Variants in KIAA1217 observed in about 807,000 individuals in gnomAD.
The protein encoded by KIAA1217 is sickle tail protein homolog.
KIAA1217 carries 88 observed loss-of-function variants against 163.9 expected under a neutral mutation model. The ratio of observed to expected loss-of-function variants is 0.54; its 90% CI spans 0.45 to 0.64. KIAA1217 has a LOEUF of 0.64. Among genes scored for constraint, KIAA1217 ranks in the 30% least tolerant of loss-of-function variants. The pLI, the probability that KIAA1217 is intolerant of heterozygous loss-of-function variation, is 0.00. For missense variants in KIAA1217, 2,372 were observed against 2,475.0 expected (o/e 0.96, Z 0.88); for synonymous variants, 903 against 923.1 (o/e 0.98, Z 0.39).
intron 11 of KIAA1217, among the ~76,000 whole-genome samples, chr10:24,520,687 C>A (rs183186749): frequency 0.099 from 7,950 of 80,250 alleles, 378 homozygotes; most frequent in East Asian, 0.13. Flanking sequence ...CACACACACA[C>A]AAAAAAAAAT....
chr10:24,265,229 T>C (rs1403888540), intron 2 of KIAA1217, among the ~76,000 whole-genome samples: 1 of 152,240 alleles, frequency 6.6e-6, no homozygotes, highest in Non-Finnish European at 1.5e-5. Context: ...GAGGGCTTCA[T>C]ATCTTTGACC....
chr10:23,970,466 G>A (rs889648444), intron 1 of KIAA1217, among the ~76,000 whole-genome samples: 1 of 152,190 alleles, frequency 6.6e-6, no homozygotes, highest in East Asian at 1.9e-4. Context: ...TAGAGCAGTG[G>A]TTACCAGGAG....
chr10:24,070,016 T>G (rs2061123769), intron 2 of KIAA1217, among the ~76,000 whole-genome samples: 1 of 152,166 alleles, frequency 6.6e-6, no homozygotes, highest in Admixed American at 6.6e-5. Context: ...AGTTTTAATT[T>G]TTTTGTAGAG....
At chr10:23,728,690 A>G (rs1348995861) in intron 1 of KIAA1217, among the ~76,000 whole-genome samples, 11 of 152,142 alleles carry the variant, frequency 7.2e-5, no homozygotes, top group African/African-American at 2.7e-4. Context: ...CAATACATTC[A>G]GGACATAGGC....
intron 2 of KIAA1217, among the ~76,000 whole-genome samples, chr10:24,017,806 C>T (rs912254792): frequency 6.6e-6 from 1 of 151,946 alleles, no homozygotes; most frequent in African/African-American, 2.4e-5. Flanking sequence ...AAAGGTCTCA[C>T]CCAGGGGATT....
chr10:23,740,427 T>A (rs1050837923), intron 1 of KIAA1217, among the ~76,000 whole-genome samples: 8 of 152,156 alleles, frequency 5.3e-5, no homozygotes. Context: ...GATGCAATCA[T>A]GGCTCACTGC....
intron 5 of KIAA1217, among the ~76,000 whole-genome samples, chr10:24,471,029 G>A (rs916118577): frequency 6.6e-6 from 1 of 152,118 alleles, no homozygotes; most frequent in African/African-American, 2.4e-5. Context: ...ATAACCCCAG[G>A]CACTTACCAA....
intron 2 of KIAA1217, among the ~76,000 whole-genome samples, chr10:24,008,952 C>T (rs1005511409): frequency 2.6e-5 from 4 of 152,200 alleles, no homozygotes; most frequent in African/African-American, 4.8e-5. Flanking sequence ...CCTGGAATGC[C>T]TTGCGCTTTA....
At chr10:24,481,031 G>A (rs937113835) in intron 6 of KIAA1217, 7 of 152,128 alleles carry the variant, frequency 4.6e-5, no homozygotes, top group African/African-American at 1.4e-4. Context: ...GAAATCATTA[G>A]GTTATCTGTT....
intron 9 of KIAA1217, among the ~76,000 whole-genome samples, chr10:24,505,788 A>C (rs1346941667): frequency 1.3e-5 from 2 of 152,204 alleles, no homozygotes; most frequent in Non-Finnish European, 2.9e-5. Context: ...GTAAAATATC[A>C]ACATAAAAAA....
intron 2 of KIAA1217, chr10:24,239,384 T>C (rs2072733624): frequency 1.3e-6 from 1 of 743,124 alleles, no homozygotes; most frequent in African/African-American, 1.9e-5. Flanking sequence ...CAAAAATTAT[T>C]TGGAAACATT....
chr10:24,330,442 A>G (rs2045525283), intron 2 of KIAA1217, among the ~76,000 whole-genome samples: 1 of 152,142 alleles, frequency 6.6e-6, no homozygotes, highest in African/African-American at 2.4e-5. Flanking sequence ...TTTGGAAGTA[A>G]AATTTTAGAG....
At position 24,196,310 on chromosome 10, in the gene KIAA1217, T is replaced by C. The variant is rs190964078; in HGVS notation, c.-170-23316T>C. On this transcript the variant is annotated intron_variant, in intron 2 of 18. Transcript: ENST00000376462. Reference sequence around the variant, plus strand: ...GGTCACAGTGCCTGGAAGGAGCACATTGGGGCCTCACAGCTTCCAGGCAAT... The same window carrying C: ...GGTCACAGTGCCTGGAAGGAGCACACTGGGGCCTCACAGCTTCCAGGCAAT... 3.4e-3 allele frequency among the ~76,000 whole-genome samples: 516 copies of C among 152,338 alleles called. 4 individuals are homozygous for C. Among genetic ancestry groups the C allele is most frequent in the Non-Finnish European group, 5.2e-3 (355 of 68,030 alleles).
intron 19 of KIAA1217, 116 bp from the exon 20 acceptor site, chr10:24,544,865 C>A: frequency 1.8e-6 from 2 of 1,112,090 alleles, no homozygotes; most frequent in Non-Finnish European, 1.3e-6. Context: ...ATCTGTCCTG[C>A]ATGTAGGGCT....
At chr10:24,482,339 C>G (rs1474937692) in intron 6 of KIAA1217, 1 of 152,174 alleles carries the variant, frequency 6.6e-6, no homozygotes, top group Admixed American at 6.5e-5. Context: ...GAAACTTAAG[C>G]CAGAAAAAAC....
intron 3 of KIAA1217, among the ~76,000 whole-genome samples, chr10:24,405,554 G>T (rs758515266): frequency 3.9e-5 from 6 of 152,142 alleles, no homozygotes; most frequent in Non-Finnish European, 8.8e-5. Flanking sequence ...TTTTCTAGAA[G>T]GAGACTGATA....
chr10:24,365,085 G>C (rs1454429864), intron 2 of KIAA1217, among the ~76,000 whole-genome samples: 1 of 152,138 alleles, frequency 6.6e-6, no homozygotes, highest in Non-Finnish European at 1.5e-5. Context: ...GGTTACAGGA[G>C]TGAGCCACCT....
intron 6 of KIAA1217, among the ~76,000 whole-genome samples, chr10:24,483,430 G>A (rs116865485): frequency 0.031 from 4,792 of 152,176 alleles, 108 homozygotes; most frequent in Middle Eastern, 0.054. Context: ...CTTTCATGTC[G>A]AGCCTCAGCT....
intron 1 of KIAA1217, among the ~76,000 whole-genome samples, chr10:23,824,655 AAAAATAT>A (rs1564453876): frequency 9.3e-5 from 10 of 107,776 alleles, no homozygotes; most frequent in African/African-American, 4.7e-4. Context: ...AAAAAATAAA[AAAAATAT>A]ATATATATAT....
Sources: allele counts gnomAD v4.1 joint callset (sites outside exome capture counted in the v4.1 genomes callset), GRCh38; gene constraint gnomAD v4.1.1; transcripts MANE v1.5; gene names NCBI Gene and HGNC (gene_info 2026-07-23, HGNC 2026-07-21).